LYPD6: variants seen among roughly 807,000 people sequenced by gnomAD.
LYPD6 encodes LY6/PLAUR domain containing 6.
Under a neutral mutation model 22.7 loss-of-function variants are expected in LYPD6, and 15 were observed. The observed-to-expected ratio is 0.66, with a 90% CI of 0.44 to 1.02. LYPD6 has a LOEUF of 1.02. Among genes scored for constraint, LYPD6 ranks in the 50% least tolerant of loss-of-function variants. The probability of loss-of-function intolerance (pLI) is 0.00; values close to 1 mark genes in which losing one functional copy is unlikely to be tolerated. For missense variants in LYPD6, 189 were observed against 208.4 expected (o/e 0.91, Z 0.57); for synonymous variants, 72 against 77.5 (o/e 0.93, Z 0.37).
intron 1 of LYPD6, among the ~76,000 whole-genome samples, chr2:149,409,811 G>A (rs567101734): frequency 6.6e-6 from 1 of 152,250 alleles, no homozygotes; most frequent in African/African-American, 2.4e-5. Flanking sequence ...CCGTGAGTAG[G>A]AGGGCTCACT....
At chr2:149,372,822 C>G (rs1160058690) in intron 1 of LYPD6, among the ~76,000 whole-genome samples, 1 of 152,150 alleles carries the variant, frequency 6.6e-6, no homozygotes, top group Non-Finnish European at 1.5e-5. Context: ...TTGAGTTACA[C>G]AGGAGCATAC....
the LYPD6 span, among the ~76,000 whole-genome samples, chr2:149,480,642 C>T: frequency 6.6e-6 from 1 of 152,092 alleles, no homozygotes; most frequent in East Asian, 1.9e-4. Flanking sequence ...GGGGCCAGGA[C>T]CATTGTCTGC....
At chr2:149,430,853 T>C (rs1184138544) in intron 1 of LYPD6, among the ~76,000 whole-genome samples, 1 of 152,202 alleles carries the variant, frequency 6.6e-6, no homozygotes, top group Non-Finnish European at 1.5e-5. Context: ...AATTAGGATG[T>C]AGACTTGTAA....
chr2:149,368,797 G>C (rs1249977335), intron 1 of LYPD6, among the ~76,000 whole-genome samples: 1 of 152,110 alleles, frequency 6.6e-6, no homozygotes, highest in Non-Finnish European at 1.5e-5. Context: ...AGATCCTAAA[G>C]ATGCAGAATC....
intron 3 of LYPD6, among the ~76,000 whole-genome samples, chr2:149,453,273 C>T (rs895890537): frequency 7.2e-5 from 11 of 152,108 alleles, no homozygotes; most frequent in African/African-American, 2.7e-4. Flanking sequence ...TCTACGTTTG[C>T]CCATGACTTT....
intron 1 of LYPD6, among the ~76,000 whole-genome samples, chr2:149,385,279 T>C (rs147572152): frequency 1.4e-3 from 216 of 152,282 alleles, no homozygotes; most frequent in African/African-American, 4.4e-3. Flanking sequence ...CACCTTTGCC[T>C]GAAATCCTCT....
At chr2:149,347,494 A>G (rs1029039715) in intron 1 of LYPD6, among the ~76,000 whole-genome samples, 5 of 152,176 alleles carry the variant, frequency 3.3e-5, no homozygotes, top group Non-Finnish European at 7.3e-5. Flanking sequence ...TCATCACTTG[A>G]CAAAATGGAA....
intron 1 of LYPD6, among the ~76,000 whole-genome samples, chr2:149,342,012 A>G (rs1343423436): frequency 6.6e-6 from 1 of 152,186 alleles, no homozygotes; most frequent in Non-Finnish European, 1.5e-5. Context: ...CTGGATGTCC[A>G]GGAAGAACAA....
At chr2:149,399,459 T>C (rs1167859464) in intron 1 of LYPD6, among the ~76,000 whole-genome samples, 1 of 152,016 alleles carries the variant, frequency 6.6e-6, no homozygotes, top group East Asian at 1.9e-4. Flanking sequence ...ATTGGTTTCC[T>C]TAGTAATCCT....
intron 1 of LYPD6, among the ~76,000 whole-genome samples, chr2:149,358,280 A>G (rs974635869): frequency 1.3e-5 from 2 of 152,220 alleles, no homozygotes; most frequent in African/African-American, 4.8e-5. Flanking sequence ...GTCAGCAAAC[A>G]TCGATTACTC....
the LYPD6 span, among the ~76,000 whole-genome samples, chr2:149,480,535 C>G: frequency 2.8e-5 from 4 of 143,712 alleles, no homozygotes; most frequent in Non-Finnish European, 6.1e-5. Flanking sequence ...CCCTGAACTT[C>G]CTTTCACAGT....
At chr2:149,375,286 G>A (rs1471433931) in intron 1 of LYPD6, among the ~76,000 whole-genome samples, 1 of 152,172 alleles carries the variant, frequency 6.6e-6, no homozygotes, top group Non-Finnish European at 1.5e-5. Flanking sequence ...TATACAGTTG[G>A]TATCAAACTA....
intron 3 of LYPD6, among the ~76,000 whole-genome samples, 155 bp downstream of exon 3, chr2:149,449,302 T>C (rs535249816): frequency 7.2e-5 from 11 of 152,342 alleles, no homozygotes; most frequent in Non-Finnish European, 1.2e-4. Context: ...CAATAACTTA[T>C]CAGAGATTCT....
chr2:149,370,441 G>A (rs772548496), intron 1 of LYPD6: 1 of 152,118 alleles, frequency 6.6e-6, no homozygotes, highest in Non-Finnish European at 1.5e-5. Context: ...GCCCTCATGA[G>A]TGGGATTAAT....
At position 149,473,161 on chromosome 2, in the gene LYPD6, T is replaced by C. The variant is rs1156786807; in HGVS notation, c.*2311T>C. ...GACATCTTCCAAGTACTGCATGTGA[T>C]TGAATAAGAAACAAGAAAGTGACCA... On this transcript the variant is annotated 3_prime_UTR_variant, in exon 5 of 5. Coordinates refer to ENST00000334166, the MANE Select transcript of LYPD6 (RefSeq NM_194317.5). 1.3e-5 allele frequency: 2 copies of C among 152,618 alleles called. No individual in the cohort carries two copies. Among genetic ancestry groups the C allele is most frequent in the Non-Finnish European group, 2.9e-5 (2 of 68,048 alleles). 9.5% of individuals were successfully genotyped at this position (152,618 alleles called of 1,614,324 possible).
intron 1 of LYPD6, among the ~76,000 whole-genome samples, chr2:149,404,902 C>G (rs1236769818): frequency 6.6e-6 from 1 of 152,140 alleles, no homozygotes; most frequent in Non-Finnish European, 1.5e-5. Context: ...TTTTGAGATA[C>G]ATCCCATCAA....
intron 1 of LYPD6, among the ~76,000 whole-genome samples, chr2:149,409,222 A>C (rs1682798087): frequency 6.6e-6 from 1 of 152,178 alleles, no homozygotes; most frequent in South Asian, 2.1e-4. Flanking sequence ...CCGGGCTGGT[A>C]CTGTGTAGTG....
intron 1 of LYPD6, among the ~76,000 whole-genome samples, chr2:149,356,438 C>T (rs1681450678): frequency 6.6e-6 from 1 of 152,190 alleles, no homozygotes; most frequent in Non-Finnish European, 1.5e-5. Flanking sequence ...TTTTCCTTCC[C>T]TACATGGACA....
chr2:149,476,892 A>G (rs960370794), downstream of LYPD6, among the ~76,000 whole-genome samples: 1 of 152,126 alleles, frequency 6.6e-6, no homozygotes, highest in Non-Finnish European at 1.5e-5. Flanking sequence ...TCTCCCAGCC[A>G]TAAAGAAGGT....
Sources: gnomAD v4.1 joint callset for allele counts (sites outside exome capture counted in the v4.1 genomes callset) on GRCh38, gnomAD v4.1.1 for gene constraint, MANE v1.5 for transcripts, NCBI Gene and HGNC (gene_info 2026-07-23, HGNC 2026-07-21) for gene names.